The following GABRB1 variants were observed in gnomAD, a reference collection of about 807,000 sequenced individuals.
GABRB1 encodes the protein gamma-aminobutyric acid receptor subunit beta-1.
A neutral mutation model predicts 51.6 loss-of-function variants in GABRB1; 17 were observed. That is an observed-to-expected ratio of 0.33 (90% CI 0.23 to 0.49). The LOEUF is 0.49. Among genes scored for constraint, GABRB1 ranks in the 20% least tolerant of loss-of-function variants. The pLI, the probability that GABRB1 is intolerant of heterozygous loss-of-function variation, is 0.99. For synonymous variants in GABRB1, 247 were observed against 218.9 expected (o/e 1.13, Z -1.14); for missense variants, 410 against 600.6 (o/e 0.68, Z 3.32).
At chr4:47,274,044 C>T (rs1040041174) in intron 4 of GABRB1, among the ~76,000 whole-genome samples, 6 of 152,022 alleles carry the variant, frequency 3.9e-5, no homozygotes, top group African/African-American at 1.4e-4. Context: ...TATTTTTCTT[C>T]CAGGCAAAAT....
intron 4 of GABRB1, among the ~76,000 whole-genome samples, chr4:47,184,693 T>A (rs961948352): frequency 1.3e-5 from 2 of 151,922 alleles, no homozygotes; most frequent in African/African-American, 2.4e-5. Context: ...CGTATTGAGC[T>A]GAGATTACAT....
intron 4 of GABRB1, among the ~76,000 whole-genome samples, chr4:47,289,471 AC>A (rs1031005407): frequency 2.1e-4 from 32 of 152,308 alleles, no homozygotes; most frequent in African/African-American, 6.3e-4. Flanking sequence ...GTGAACCTAC[AC>A]CCATTTGTCC....
rs1275645611 is a variant in GABRB1 at position 47,181,383 on chromosome 4, T to C, written c.461+19914T>C. Among the ~76,000 whole-genome samples the C allele has an allele frequency of 3.3e-5, 5 of 152,032 alleles. No individual in the cohort carries two copies. In the East Asian group the frequency reaches 7.7e-4, roughly 23 times the overall value. On this transcript the variant is annotated intron_variant, in intron 4 of 8. Transcript: ENST00000295454. ...TAATGGGTTTTTACAACCACCTAAA[T>C]AGTTTTAATTACTCTATTTATGCTT...
intron 4 of GABRB1, among the ~76,000 whole-genome samples, chr4:47,191,785 A>C (rs769150890): frequency 2.6e-5 from 4 of 152,158 alleles, no homozygotes; most frequent in African/African-American, 7.2e-5. Flanking sequence ...TTCTGTGTAG[A>C]AGAGAGGAAG....
At chr4:47,176,663 A>C (rs1051731421) in intron 4 of GABRB1, among the ~76,000 whole-genome samples, 2 of 152,098 alleles carry the variant, frequency 1.3e-5, no homozygotes, top group African/African-American at 2.4e-5. Context: ...CAAGGAAGAG[A>C]GCATAGATAA....
chr4:47,410,814 T>G (rs1728737627), intron 8 of GABRB1, among the ~76,000 whole-genome samples: 1 of 151,990 alleles, frequency 6.6e-6, no homozygotes, highest in South Asian at 2.1e-4. Context: ...GCACATTAGG[T>G]TTTCCATAAA....
upstream of GABRB1, among the ~76,000 whole-genome samples, chr4:47,029,570 G>C (rs142309659): frequency 6.6e-6 from 1 of 151,794 alleles, no homozygotes; most frequent in Non-Finnish European, 1.5e-5. Context: ...CATAGTTATC[G>C]CAATAATCTT....
rs575722323 is a variant in GABRB1 at position 47,054,550 on chromosome 4, A to G, written c.240+22066A>G. ...GGTCTACAGAAATATTCAAAAGAGTAGTTGCATTGTTACTATTATTATTAC... is the reference window on the plus strand; with the variant it reads ...GGTCTACAGAAATATTCAAAAGAGTGGTTGCATTGTTACTATTATTATTAC... On this transcript the variant is annotated intron_variant, in intron 3 of 8. Coordinates refer to ENST00000295454, the MANE Select transcript of GABRB1 (RefSeq NM_000812.4). Among the ~76,000 whole-genome samples, 14 of 152,078 alleles carry G rather than the reference A, an allele frequency of 9.2e-5. No individual in the cohort carries two copies. The East Asian group carries it at 2.7e-3, about 29-fold the overall frequency.
intron 4 of GABRB1, among the ~76,000 whole-genome samples, chr4:47,205,044 A>G (rs1720058201): frequency 6.6e-6 from 1 of 152,158 alleles, no homozygotes; most frequent in African/African-American, 2.4e-5. Flanking sequence ...ACCATTTCAC[A>G]TACACACAGA....
At chr4:47,130,195 T>A (rs1716346500) in intron 3 of GABRB1, among the ~76,000 whole-genome samples, 1 of 152,194 alleles carries the variant, frequency 6.6e-6, no homozygotes, top group Non-Finnish European at 1.5e-5. Flanking sequence ...TGCTTAAATC[T>A]TTCACTGTCT....
chr4:47,089,055 T>C (rs1467363054), intron 3 of GABRB1, among the ~76,000 whole-genome samples: 1 of 152,192 alleles, frequency 6.6e-6, no homozygotes, highest in Non-Finnish European at 1.5e-5. Flanking sequence ...ATGGCTATGA[T>C]CTGATCACTC....
chr4:47,039,218 C>T (rs1484594891), intron 3 of GABRB1, among the ~76,000 whole-genome samples: 2 of 151,668 alleles, frequency 1.3e-5, no homozygotes, highest in African/African-American at 2.4e-5. Flanking sequence ...GTCTTCATTG[C>T]TACTCTTCTG....
rs148599664 is a variant in GABRB1 at position 47,184,455 on chromosome 4, A to C, written c.461+22986A>C. 5.3e-3 allele frequency among the ~76,000 whole-genome samples: 807 copies of C among 152,056 alleles called. 3 individuals are homozygous for C. The highest frequency in any genetic ancestry group is 0.017 in the South Asian group (80 of 4,832). On this transcript the variant is annotated intron_variant, in intron 4 of 8. Transcript: ENST00000295454. The stretch of plus-strand genomic sequence containing the variant: ...AAATGATTGGATTCTCCCAAAAAAC[A>C]ATAAAACTTTGCTGCTCCATCTCAC...
chr4:47,361,835 G>C (rs1726816394), intron 5 of GABRB1, among the ~76,000 whole-genome samples: 1 of 152,122 alleles, frequency 6.6e-6, no homozygotes. Flanking sequence ...TGAAGATATT[G>C]AACTTGAGGT....
At chr4:47,261,866 C>A (rs1412412483) in intron 4 of GABRB1, among the ~76,000 whole-genome samples, 1 of 152,116 alleles carries the variant, frequency 6.6e-6, no homozygotes, top group African/African-American at 2.4e-5. Context: ...TGGAAGAGAA[C>A]AGAGCCCTCA....
At chr4:47,018,288 ATCAGCCTCCCACG>A (rs1724809123) in intron 1 of GABRB1, among the ~76,000 whole-genome samples, 1 of 151,616 alleles carries the variant, frequency 6.6e-6, no homozygotes, top group South Asian at 2.1e-4. Flanking sequence ...ATCCACCCAC[ATCAGCCTCCCACG>A]TCAGCCTCCC....
At chr4:47,274,463 T>C (rs893651406) in intron 4 of GABRB1, among the ~76,000 whole-genome samples, 2 of 152,128 alleles carry the variant, frequency 1.3e-5, no homozygotes, top group African/African-American at 2.4e-5. Context: ...AAAGATAAAA[T>C]TATCTATATG....
At chr4:47,054,714 C>A in intron 3 of GABRB1, among the ~76,000 whole-genome samples, 1 of 152,030 alleles carries the variant, frequency 6.6e-6, no homozygotes, top group South Asian at 2.1e-4. Context: ...TCCTGAGTAG[C>A]TAGAATTACA....
intron 4 of GABRB1, among the ~76,000 whole-genome samples, chr4:47,191,857 T>C (rs1484525062): frequency 1.3e-5 from 2 of 151,940 alleles, no homozygotes; most frequent in African/African-American, 4.8e-5. Flanking sequence ...ATCAAATTAG[T>C]AGAAAAACTA....
Sources: gnomAD v4.1 joint callset for allele counts (sites outside exome capture counted in the v4.1 genomes callset) on GRCh38, gnomAD v4.1.1 for gene constraint, MANE v1.5 for transcripts, NCBI Gene and HGNC (gene_info 2026-07-23, HGNC 2026-07-21) for gene names.